Variants in NIBAN1 observed in about 807,000 individuals in gnomAD.
NIBAN1 encodes protein Niban 1.
Under a neutral mutation model 75.1 loss-of-function variants are expected in NIBAN1, and 81 were observed. That is an observed-to-expected ratio of 1.08 (90% confidence interval 0.90 to 1.30). The LOEUF (loss-of-function observed/expected upper bound fraction) is 1.30, where lower values mean the gene tolerates loss of function less well. Among genes scored for constraint, NIBAN1 ranks in the 50% most tolerant of loss-of-function variants. The probability of loss-of-function intolerance (pLI) is 0.00; values close to 1 mark genes in which losing one functional copy is unlikely to be tolerated. For synonymous variants in NIBAN1, 436 were observed against 424.8 expected (o/e 1.03, Z -0.32); for missense variants, 1,133 against 1,128.1 (o/e 1.00, Z -0.06).
intron 1 of NIBAN1, among the ~76,000 whole-genome samples, chr1:184,913,605 A>G (rs773293942): frequency 3.3e-5 from 5 of 152,212 alleles, no homozygotes; most frequent in Non-Finnish European, 5.9e-5. Context: ...CTGTATTATA[A>G]TTCAGGTGTA....
At chr1:184,953,706 T>C (rs1658415693) in intron 1 of NIBAN1, among the ~76,000 whole-genome samples, 2 of 152,238 alleles carry the variant, frequency 1.3e-5, no homozygotes, top group Non-Finnish European at 2.9e-5. Flanking sequence ...TAGTTAGCTA[T>C]AGTACGCCTC....
chr1:184,909,574 C>T (rs540420036), intron 1 of NIBAN1, among the ~76,000 whole-genome samples: 16 of 152,186 alleles, frequency 1.1e-4, no homozygotes, highest in African/African-American at 1.7e-4. Flanking sequence ...GTCTATAAAC[C>T]GTTCAACATT....
At chr1:184,917,161 G>A (rs535196739) in intron 1 of NIBAN1, among the ~76,000 whole-genome samples, 8 of 150,972 alleles carry the variant, frequency 5.3e-5, no homozygotes, top group African/African-American at 1.7e-4. Flanking sequence ...ACTCATTGCT[G>A]TTCAGCAAAC....
chr1:184,816,598 T>C (rs1571487219), intron 9 of NIBAN1, among the ~76,000 whole-genome samples: 1 of 152,312 alleles, frequency 6.6e-6, no homozygotes, highest in Non-Finnish European at 1.5e-5. Flanking sequence ...TTATGCTAAA[T>C]GTGACATAAT....
At chr1:184,799,215 C>G (rs1343892859) in intron 12 of NIBAN1, among the ~76,000 whole-genome samples, 1 of 151,788 alleles carries the variant, frequency 6.6e-6, no homozygotes, top group South Asian at 2.1e-4. Flanking sequence ...ACAACAGTCC[C>G]CAGAGTGTGA....
chr1:184,890,240 C>A lies in NIBAN1; in HGVS notation c.319-18G>T, dbSNP rs1656632765. The A allele has an allele frequency of 1.3e-6, 2 of 1,558,208 alleles. No homozygotes were observed. The highest frequency in any genetic ancestry group is 1.8e-6 in the Non-Finnish European group (2 of 1,129,282). The stretch of plus-strand genomic sequence containing the variant: ...TGATAGGCCTGGGGAGGGAAAGGCA[C>A]ACAGGAATGATATCTTTTTCCCCAT... On this transcript the variant is annotated intron_variant, in intron 3 of 13. Coordinates refer to ENST00000367511, the MANE Select transcript of NIBAN1 (RefSeq NM_052966.4).
chr1:184,794,860 A>T lies in NIBAN1; in HGVS notation c.*117T>A. On this transcript the variant is annotated 3_prime_UTR_variant, in exon 14 of 14. Transcript: ENST00000367511. ...TGTATGCATTTCCTCTGGTTTTATTATTCAAATTAAGAAAATACTTAAAAA... is the reference window on the plus strand; with the variant it reads ...TGTATGCATTTCCTCTGGTTTTATTTTTCAAATTAAGAAAATACTTAAAAA... The T allele has an allele frequency of 7.4e-7, 1 of 1,352,210 alleles. No individual in the cohort carries two copies. Among genetic ancestry groups the T allele is most frequent in the Non-Finnish European group, 1.0e-6 (1 of 964,464 alleles). 83.8% of individuals were successfully genotyped at this position (1,352,210 alleles called of 1,614,324 possible). A position where few individuals can be genotyped will look rare whatever the true frequency, so the allele number is the denominator to read the frequency against.
At chr1:184,955,061 C>A (rs187540266) in intron 1 of NIBAN1, among the ~76,000 whole-genome samples, 1 of 152,072 alleles carries the variant, frequency 6.6e-6, no homozygotes, top group East Asian at 1.9e-4. Context: ...GTTATTTAGC[C>A]CAATCATAGG....
At chr1:184,848,400 C>A (rs1655477293) in intron 5 of NIBAN1, among the ~76,000 whole-genome samples, 1 of 31,564 alleles carries the variant, frequency 3.2e-5, no homozygotes, top group Non-Finnish European at 5.6e-5. Flanking sequence ...GAAATGAAGG[C>A]AAAAATAAAG....
intron 5 of NIBAN1, among the ~76,000 whole-genome samples, chr1:184,834,763 CAGATGGGT>C (rs1323942873): frequency 6.6e-6 from 1 of 152,162 alleles, no homozygotes; most frequent in Non-Finnish European, 1.5e-5. Context: ...AGCCCTTTGC[CAGATGGGT>C]AGATTGCAAA....
chr1:184,907,790 G>A (rs1379862680), intron 1 of NIBAN1, among the ~76,000 whole-genome samples: 1 of 152,222 alleles, frequency 6.6e-6, no homozygotes, highest in East Asian at 1.9e-4. Context: ...ATTGGTGCCT[G>A]AGAGTCAGGT....
chr1:184,858,739 G>A (rs768417944), intron 5 of NIBAN1, among the ~76,000 whole-genome samples: 12 of 152,168 alleles, frequency 7.9e-5, no homozygotes, highest in South Asian at 2.1e-4. Flanking sequence ...ACAAGGACAC[G>A]TATTTAATCA....
intron 1 of NIBAN1, among the ~76,000 whole-genome samples, chr1:184,971,208 G>A (rs1407516870): frequency 6.6e-6 from 1 of 152,068 alleles, no homozygotes. Context: ...ACCTGAGCCA[G>A]GGGAGGTCAA....
chr1:184,956,754 C>T (rs1189296918), intron 1 of NIBAN1, among the ~76,000 whole-genome samples: 2 of 151,966 alleles, frequency 1.3e-5, no homozygotes, highest in African/African-American at 4.8e-5. Flanking sequence ...AAAAGGGGTC[C>T]ATAGGCTTTA....
chr1:184,799,511 A>G (rs1424317893), intron 12 of NIBAN1, among the ~76,000 whole-genome samples: 1 of 148,490 alleles, frequency 6.7e-6, no homozygotes, highest in East Asian at 2.0e-4. Flanking sequence ...ATATGTGTGC[A>G]TGTGTCTTTA....
At chr1:184,796,232 CAA>C in intron 13 of NIBAN1, 135 bp from the exon 14 acceptor site, 1 of 816,552 alleles carries the variant, frequency 1.2e-6, no homozygotes, top group Non-Finnish European at 1.8e-6. Flanking sequence ...CCCTGATGAC[CAA>C]AGTCTATAAA....
At chr1:184,838,871 G>A (rs1011290255) in intron 5 of NIBAN1, among the ~76,000 whole-genome samples, 7 of 152,242 alleles carry the variant, frequency 4.6e-5, no homozygotes, top group South Asian at 2.1e-4. Context: ...CTGATCTGCC[G>A]GGTGATTTGT....
At position 184,819,402 on chromosome 1, in the gene NIBAN1, C is replaced by G. The variant is rs147828584; in HGVS notation, c.986-577G>C. ...CAAAATCACAATAGGTTTTTCTGACCAAGATGACATGCTTAGTGACAAAAA... is the reference window on the plus strand; with the variant it reads ...CAAAATCACAATAGGTTTTTCTGACGAAGATGACATGCTTAGTGACAAAAA... On this transcript the variant is annotated intron_variant, in intron 8 of 13. Transcript: ENST00000367511. Among the ~76,000 whole-genome samples, 45 of 152,104 alleles carry G rather than the reference C, an allele frequency of 3.0e-4. No individual in the cohort carries two copies. The East Asian group carries it at 7.3e-3, about 25-fold the overall frequency.
intron 9 of NIBAN1, among the ~76,000 whole-genome samples, chr1:184,809,121 C>T (rs549430668): frequency 1.3e-5 from 2 of 152,066 alleles, no homozygotes; most frequent in East Asian, 3.9e-4. Context: ...ATGCACTGTC[C>T]GACTTTCAGC....
Sources: gnomAD v4.1 joint callset for allele counts (sites outside exome capture counted in the v4.1 genomes callset) on GRCh38, gnomAD v4.1.1 for gene constraint, MANE v1.5 for transcripts, NCBI Gene and HGNC (gene_info 2026-07-23, HGNC 2026-07-21) for gene names.